The following SYCP1 variants were observed in gnomAD, a reference collection of about 807,000 sequenced individuals.
SYCP1 encodes the protein cancer/testis antigen 8.
A neutral mutation model predicts 153.1 loss-of-function variants in SYCP1; 64 were observed. The observed-to-expected ratio is 0.42, with a 90% CI of 0.34 to 0.51. The LOEUF (loss-of-function observed/expected upper bound fraction) is 0.51, where lower values mean the gene tolerates loss of function less well. Ranked by LOEUF, SYCP1 falls within the 20% of genes least tolerant of loss-of-function variation. SYCP1 has a pLI of 0.06. For missense variants in SYCP1, 997 were observed against 1,049.0 expected (o/e 0.95, Z 0.68); for synonymous variants, 384 against 341.8 (o/e 1.12, Z -1.36).
At chr1:114,898,750 T>C (rs904062039) in intron 16 of SYCP1, among the ~76,000 whole-genome samples, 1 of 152,218 alleles carries the variant, frequency 6.6e-6, no homozygotes. Context: ...TTGCATAAAG[T>C]ACAGCAAGAA....
intron 17 of SYCP1, 68 bp downstream of exon 17, chr1:114,910,569 ATAAG>A: frequency 1.0e-6 from 1 of 979,508 alleles, no homozygotes; most frequent in Non-Finnish European, 1.4e-6. Flanking sequence ...GGATTATGGT[ATAAG>A]TATTTCTTTT....
Position 114,895,765 on chromosome 1 carries a change from T to C in SYCP1, c.1320+256T>C, listed in dbSNP as rs182935705. Among the ~76,000 whole-genome samples, 471 of 152,278 alleles carry C rather than the reference T, an allele frequency of 3.1e-3. 2 individuals carry two copies. The highest frequency in any genetic ancestry group is 6.6e-3 in the South Asian group (32 of 4,828). ...ACTAAGATCAAATTTGCATGTTATG[T>C]AGCTGATTGTAAATTTGGTAATTTT... On this transcript the variant is annotated intron_variant, in intron 16 of 31. Transcript: ENST00000369522.
At chr1:114,903,707 T>C (rs895041431) in intron 16 of SYCP1, among the ~76,000 whole-genome samples, 2 of 152,122 alleles carry the variant, frequency 1.3e-5, no homozygotes. Flanking sequence ...AGGAGAATAG[T>C]GTATTAAGGC....
intron 12 of SYCP1, among the ~76,000 whole-genome samples, chr1:114,882,849 G>T (rs766403332): frequency 7.9e-5 from 12 of 152,132 alleles, no homozygotes; most frequent in Non-Finnish European, 1.0e-4. Flanking sequence ...TTGAACCTGG[G>T]CTGCAAATCT....
At chr1:114,977,989 A>G (rs1570905015) in intron 28 of SYCP1, among the ~76,000 whole-genome samples, 1 of 151,616 alleles carries the variant, frequency 6.6e-6, no homozygotes, top group Non-Finnish European at 1.5e-5. Flanking sequence ...AAGTTTATTT[A>G]GATTATGTCT....
chr1:114,975,921 T>C (rs1672767533), intron 27 of SYCP1, among the ~76,000 whole-genome samples: 1 of 151,742 alleles, frequency 6.6e-6, no homozygotes, highest in Non-Finnish European at 1.5e-5. Flanking sequence ...TTATTGAGTT[T>C]GTTCAAACTA....
rs758034770 is a variant in SYCP1, at chr1:114,878,237, A to G, written c.910+35A>G. ...TATATAAGATAATATAATGTGCCTTATGTATTCCTCTTGTTATGTTCTAAA... is the reference window on the plus strand; with the variant it reads ...TATATAAGATAATATAATGTGCCTTGTGTATTCCTCTTGTTATGTTCTAAA... On this transcript the variant is annotated intron_variant, in intron 12 of 31. Coordinates refer to ENST00000369522, the MANE Select transcript of SYCP1 (RefSeq NM_003176.4). 3 of 1,273,200 alleles carry G rather than the reference A, an allele frequency of 2.4e-6. No individual in the cohort carries two copies. In the East Asian group the frequency reaches 7.1e-5, roughly 30 times the overall value. The allele number at this position is 1,273,200 out of a possible 1,614,324, so 78.9% of individuals were successfully genotyped here.
intron 28 of SYCP1, among the ~76,000 whole-genome samples, chr1:114,978,488 AG>A (rs1672940532): frequency 6.6e-6 from 1 of 151,700 alleles, no homozygotes; most frequent in Non-Finnish European, 1.5e-5. Context: ...AGGAAACATC[AG>A]TCATAGAGAA....
At chr1:114,856,996 C>T (rs1315921877) in intron 3 of SYCP1, among the ~76,000 whole-genome samples, 5 of 146,958 alleles carry the variant, frequency 3.4e-5, no homozygotes, top group Non-Finnish European at 6.0e-5. Flanking sequence ...TGGTGGCATG[C>T]GCCTGCAGTC....
At chr1:114,936,659 G>A (rs966577747) in intron 23 of SYCP1, among the ~76,000 whole-genome samples, 1 of 152,138 alleles carries the variant, frequency 6.6e-6, no homozygotes, top group Admixed American at 6.5e-5. Context: ...AAACCCCATT[G>A]TCTCAGCCCC....
chr1:114,859,645 C>T, intron 6 of SYCP1, 98 bp from the exon 7 acceptor site: 1 of 539,492 alleles, frequency 1.9e-6, no homozygotes, highest in South Asian at 3.1e-5. Context: ...TCTTTTAGAC[C>T]ATTGTGTATT....
chr1:114,902,607 C>T (rs1313967279), intron 16 of SYCP1, among the ~76,000 whole-genome samples: 2 of 150,540 alleles, frequency 1.3e-5, no homozygotes, highest in African/African-American at 5.0e-5. Context: ...CCGCCCTGTC[C>T]TCCCAGTGGG....
intron 11 of SYCP1, among the ~76,000 whole-genome samples, chr1:114,877,833 A>G (rs1274056153): frequency 1.3e-5 from 2 of 151,844 alleles, no homozygotes; most frequent in Non-Finnish European, 2.9e-5. Flanking sequence ...CATTATATAT[A>G]CCCCCACCCA....
intron 16 of SYCP1, among the ~76,000 whole-genome samples, chr1:114,897,620 A>T (rs1667157680): frequency 6.6e-6 from 1 of 152,172 alleles, no homozygotes; most frequent in African/African-American, 2.4e-5. Context: ...CATAGTACAG[A>T]GACACAATTA....
chr1:114,883,605 T>C (rs1238454822), intron 12 of SYCP1, among the ~76,000 whole-genome samples: 2 of 152,234 alleles, frequency 1.3e-5, no homozygotes, highest in Non-Finnish European at 2.9e-5. Flanking sequence ...TCTGGCAGTA[T>C]ACATTCCGTT....
intron 27 of SYCP1, among the ~76,000 whole-genome samples, chr1:114,957,204 A>G (rs1327543039): frequency 6.6e-6 from 1 of 152,198 alleles, no homozygotes; most frequent in African/African-American, 2.4e-5. Flanking sequence ...AGCTGGGACT[A>G]CAAGTGACCA....
chr1:114,964,166 G>T (rs1008115377), intron 27 of SYCP1, among the ~76,000 whole-genome samples: 16 of 152,238 alleles, frequency 1.1e-4, no homozygotes, highest in African/African-American at 3.9e-4. Flanking sequence ...CTGCAAAAAT[G>T]TCTTCTTTTG....
At chr1:114,899,424 A>C (rs907227271) in intron 16 of SYCP1, among the ~76,000 whole-genome samples, 1 of 152,346 alleles carries the variant, frequency 6.6e-6, no homozygotes, top group Non-Finnish European at 1.5e-5. Flanking sequence ...CTTGATATTC[A>C]TGAACATTTT....
At chr1:114,937,088 A>G (rs1670062302) in intron 23 of SYCP1, among the ~76,000 whole-genome samples, 1 of 152,198 alleles carries the variant, frequency 6.6e-6, no homozygotes, top group Admixed American at 6.6e-5. Flanking sequence ...CATTGCCAAG[A>G]CAATTCTAAG....
Sources: gnomAD v4.1 joint callset for allele counts (sites outside exome capture counted in the v4.1 genomes callset) on GRCh38, gnomAD v4.1.1 for gene constraint, MANE v1.5 for transcripts, NCBI Gene and HGNC (gene_info 2026-07-23, HGNC 2026-07-21) for gene names.